Variants in DAB1 observed in about 807,000 individuals in gnomAD.
DAB1 encodes DAB adaptor protein 1.
In DAB1, 15 loss-of-function variants were observed where a neutral mutation model predicts 64.6. The ratio of observed to expected loss-of-function variants is 0.23; its 90% confidence interval spans 0.16 to 0.36. The LOEUF is 0.36. Ranked by LOEUF, DAB1 falls within the 10% of genes least tolerant of loss-of-function variation. The probability of loss-of-function intolerance (pLI) is 1.00; values close to 1 mark genes in which losing one functional copy is unlikely to be tolerated. For synonymous variants in DAB1, 235 were observed against 251.9 expected, an observed-to-expected ratio of 0.93 and a Z score of 0.64; for missense variants, 596 against 706.7, an observed-to-expected ratio of 0.84 and a Z score of 1.78.
chr1:57,219,858 G>A (rs1306601432), intron 2 of DAB1, among the ~76,000 whole-genome samples: 1 of 152,136 alleles, frequency 6.6e-6, no homozygotes. Flanking sequence ...GGAAAGAAAG[G>A]CAGCATTGAG....
chr1:57,957,974 T>A (rs1359856111), intron 5 of DAB1, among the ~76,000 whole-genome samples: 2 of 152,022 alleles, frequency 1.3e-5, no homozygotes, highest in Admixed American at 1.3e-4. Flanking sequence ...TTGAAATTCT[T>A]GTTCCAGGAT....
chr1:57,035,149 C>A (rs1181894719), intron 9 of DAB1, among the ~76,000 whole-genome samples: 4 of 152,170 alleles, frequency 2.6e-5, no homozygotes, highest in South Asian at 2.1e-4. Context: ...ATCCTATCAT[C>A]TATGGTGTGG....
chr1:57,866,858 TG>T (rs1393730181), intron 1 of DAB1: 1 of 152,216 alleles, frequency 6.6e-6, no homozygotes, highest in Non-Finnish European at 1.5e-5. Context: ...ATGAACTCCC[TG>T]GGCTGAATGT....
intron 5 of DAB1, among the ~76,000 whole-genome samples, chr1:57,950,054 C>A (rs114752920): frequency 2.0e-5 from 3 of 152,124 alleles, no homozygotes; most frequent in East Asian, 1.9e-4. Context: ...CCTTGCAAGA[C>A]GGCTTATTGC....
chr1:58,457,427 A>C (rs1388651319), intron 3 of DAB1, among the ~76,000 whole-genome samples: 2 of 152,336 alleles, frequency 1.3e-5, no homozygotes, highest in Middle Eastern at 6.8e-3. Context: ...GCTCCAGCTC[A>C]GTGACAGCCA....
At chr1:58,397,949 C>CCAGTAGT (rs1460078022) in intron 3 of DAB1, among the ~76,000 whole-genome samples, 1 of 152,190 alleles carries the variant, frequency 6.6e-6, no homozygotes, top group Non-Finnish European at 1.5e-5. Context: ...AGACCCTCAA[C>CCAGTAGT]CAGTAGTCAG....
At chr1:57,728,294 G>A (rs1253543750) in intron 6 of DAB1, among the ~76,000 whole-genome samples, 2 of 152,092 alleles carry the variant, frequency 1.3e-5, no homozygotes, top group Non-Finnish European at 2.9e-5. Context: ...ATGAAGTATA[G>A]TTAAAAGAAC....
intron 1 of DAB1, among the ~76,000 whole-genome samples, chr1:57,332,165 T>C (rs1448068952): frequency 1.3e-5 from 2 of 152,284 alleles, no homozygotes; most frequent in Non-Finnish European, 2.9e-5. Context: ...GGTTTCACCG[T>C]GTTGGCCAGG....
At chr1:57,876,052 T>G (rs1644040315) in intron 1 of DAB1, 1 of 152,200 alleles carries the variant, frequency 6.6e-6, no homozygotes. Flanking sequence ...GTGACCAGCC[T>G]CGAATTTGGG....
chr1:57,313,637 C>A (rs1674929727), intron 1 of DAB1, among the ~76,000 whole-genome samples: 1 of 152,222 alleles, frequency 6.6e-6, no homozygotes, highest in South Asian at 2.1e-4. Flanking sequence ...TAATACAAAG[C>A]TGACCTCCCA....
At chr1:57,954,114 G>A (rs1645336245) in intron 5 of DAB1, among the ~76,000 whole-genome samples, 1 of 152,170 alleles carries the variant, frequency 6.6e-6, no homozygotes, top group African/African-American at 2.4e-5. Context: ...CAGTGGGGAT[G>A]AGGGGTGTCC....
At chr1:57,438,244 T>G (rs80291200) in intron 7 of DAB1, among the ~76,000 whole-genome samples, 30,890 of 152,142 alleles carry the variant, frequency 0.2, 3,401 homozygotes, top group African/African-American at 0.25. Flanking sequence ...AATTACCTGT[T>G]TTCCTGCTAA....
chr1:57,516,697 G>A (rs772742297), intron 7 of DAB1, among the ~76,000 whole-genome samples: 23 of 152,232 alleles, frequency 1.5e-4, no homozygotes, highest in Non-Finnish European at 1.6e-4. Flanking sequence ...CTTTCATGCA[G>A]CTAGCTTATA....
At chr1:58,300,641 AGAGAG>A (rs1214660736) in intron 4 of DAB1, among the ~76,000 whole-genome samples, 2,705 of 57,540 alleles carry the variant, frequency 0.047, 185 homozygotes, top group Non-Finnish European at 0.064. Context: ...AGAGAGAGAG[AGAGAG>A]AGGAAGGAAG....
chr1:58,536,505 C>G, intron 1 of DAB1: 1 of 865,990 alleles, frequency 1.2e-6, no homozygotes, highest in Non-Finnish European at 2.0e-6. Flanking sequence ...ACAACTCTTA[C>G]TACTTACTGC....
At chr1:57,437,732 T>C (rs1685748434) in intron 7 of DAB1, among the ~76,000 whole-genome samples, 1 of 152,196 alleles carries the variant, frequency 6.6e-6, no homozygotes, top group African/African-American at 2.4e-5. Context: ...AAAATTAATA[T>C]AGCACAAGGG....
chr1:57,801,031 C>T (rs1651101099), intron 6 of DAB1, among the ~76,000 whole-genome samples: 2 of 152,262 alleles, frequency 1.3e-5, no homozygotes, highest in East Asian at 1.9e-4. Flanking sequence ...GTGATTCTAA[C>T]ATATGATTTT....
intron 4 of DAB1, among the ~76,000 whole-genome samples, chr1:58,207,567 A>G (rs1420354731): frequency 6.6e-6 from 1 of 152,186 alleles, no homozygotes; most frequent in Non-Finnish European, 1.5e-5. Context: ...GGCAACTGTG[A>G]TCAGCCATCC....
rs1650457749 is a variant in DAB1 at position 57,788,844 on chromosome 1, G to A, written n.551+95155C>T. On this transcript the variant is annotated intron_variant and non_coding_transcript_variant, in intron 6 of 20. Coordinates refer to the DAB1 transcript ENST00000485760. ...ACTCTATCTTGCTTCAAAATTGGCA[G>A]CTGGAACTCAGTGTTGAGATAAAAG... Among the ~76,000 whole-genome samples, 3 of 152,144 alleles carry A rather than the reference G, an allele frequency of 2.0e-5. No individual in the cohort carries two copies. In the South Asian group the frequency reaches 6.2e-4, roughly 31 times the overall value.
Sources: gnomAD v4.1 joint callset for allele counts (sites outside exome capture counted in the v4.1 genomes callset) on GRCh38, gnomAD v4.1.1 for gene constraint, MANE v1.5 for transcripts, NCBI Gene and HGNC (gene_info 2026-07-23, HGNC 2026-07-21) for gene names.